Variants in ZNF526 observed in about 807,000 individuals in gnomAD.
The protein encoded by ZNF526 is zinc finger protein 526.
Under a neutral mutation model 32.4 loss-of-function variants are expected in ZNF526, and 16 were observed. The observed-to-expected ratio is 0.49, with a 90% CI of 0.33 to 0.75. ZNF526 has a LOEUF of 0.75. ZNF526 is among the 30% of genes least tolerant of loss of function. ZNF526 has a pLI of 0.02. For missense variants in ZNF526, 838 were observed against 920.7 expected (o/e 0.91, Z 1.16); for synonymous variants, 355 against 363.4 (o/e 0.98, Z 0.26).
At position 42,225,811 on chromosome 19, in the gene ZNF526, C is replaced by T. The variant is rs1414761893; in HGVS notation, c.1408C>T (p.Arg470Trp). ...GCGTGCAGTACACGGGCCCCCTGAA[C>T]GGCGTCACCGCTGTGGGGTTTGTGG... ...HRRAVHGPPE[R>W]RHRCGVCGKG... is the part of the protein sequence containing the mutation. The change falls in exon 3 of 3, where the codon CGG becomes TGG. Residue 470 changes from arginine (R) to tryptophan (W), a missense_variant. Coordinates refer to ENST00000301215, the MANE Select transcript of ZNF526 (RefSeq NM_133444.3). 5.6e-6 allele frequency: 9 copies of T among 1,613,788 alleles called. No homozygotes were observed. The highest frequency in any genetic ancestry group is 1.7e-5 in the Admixed American group (1 of 60,014).
At chr19:42,220,467 C>G (rs1357612640) in intron 1 of ZNF526, 80 bp downstream of exon 1, 1 of 152,442 alleles carries the variant, frequency 6.6e-6, no homozygotes, top group African/African-American at 2.4e-5. Context: ...AAGGGGTCTG[C>G]AGGGATCGAA....
At position 42,226,264 on chromosome 19, in the gene ZNF526, C is replaced by A. The variant is rs1477580210; in HGVS notation, c.1861C>A (p.Gln621Lys). The A allele has an allele frequency of 1.2e-6, 2 of 1,613,998 alleles. No homozygotes were observed. The highest frequency in any genetic ancestry group is 4.5e-5 in the East Asian group (2 of 44,878). The change falls in exon 3 of 3, where the codon CAG becomes AAG. Residue 621 changes from glutamine to lysine, a missense_variant. Coordinates refer to ENST00000301215, the MANE Select transcript of ZNF526 (RefSeq NM_133444.3). ...PAPPPPPEPQ[Q>K]TIMCTELGET... ...CCCACCCCCACCTCCAGAGCCTCAA[C>A]AGACTATCATGTGCACAGAGCTGGG...
chr19:42,223,371 G>T (rs1404245747), intron 1 of ZNF526, among the ~76,000 whole-genome samples: 3 of 152,228 alleles, frequency 2.0e-5, no homozygotes, highest in Admixed American at 6.5e-5. Flanking sequence ...GCCGGGCGTG[G>T]TGGCTCATGC....
Position 42,224,389 on chromosome 19 carries a change from A to C in ZNF526, c.-15A>C, listed in dbSNP as rs1273211620. 6 of 1,613,262 alleles carry C rather than the reference A, an allele frequency of 3.7e-6. No homozygotes were observed. In the African/African-American group the frequency reaches 6.7e-5, roughly 18 times the overall value. ...GGCTCCTGCCCCTCTTTCTCCAGGCACTGCCTTCCCCACAATGGCAGAGGT... is the reference window on the plus strand; with the variant it reads ...GGCTCCTGCCCCTCTTTCTCCAGGCCCTGCCTTCCCCACAATGGCAGAGGT... On this transcript the variant is annotated splice_region_variant and 5_prime_UTR_variant, in exon 3 of 3. Coordinates refer to ENST00000301215, the MANE Select transcript of ZNF526 (RefSeq NM_133444.3).
rs1488010409 is a variant in ZNF526, at chr19:42,227,225, T to C, written c.*809T>C. ...GACCTCCATGGTGGGAGATCAGGAG[T>C]TAAGGACTTCCTAGAGAAGGTAGTC... On this transcript the variant is annotated 3_prime_UTR_variant, in exon 3 of 3. Transcript: ENST00000301215. 1 of 167,130 alleles carries C rather than the reference T, an allele frequency of 6.0e-6. No individual in the cohort carries two copies. The highest frequency in any genetic ancestry group is 2.4e-5 in the African/African-American group (1 of 41,358). 10.4% of individuals were successfully genotyped at this position (167,130 alleles called of 1,614,324 possible). A position where few individuals can be genotyped will look rare whatever the true frequency, so the allele number is the denominator to read the frequency against.
At chr19:42,222,261 A>G (rs1359294364) in intron 1 of ZNF526, among the ~76,000 whole-genome samples, 1 of 151,054 alleles carries the variant, frequency 6.6e-6, no homozygotes, top group African/African-American at 2.4e-5. Context: ...TAATTTTTGT[A>G]TTTTTTTTAG....
At chr19:42,222,913 A>G (rs1368196357) in intron 1 of ZNF526, among the ~76,000 whole-genome samples, 3 of 151,900 alleles carry the variant, frequency 2.0e-5, no homozygotes, top group Non-Finnish European at 4.4e-5. Flanking sequence ...TCTAAAAACA[A>G]TCTTTCTGGA....
rs1175254901 is a variant in ZNF526, at chr19:42,226,381, G to A, written c.1978G>A (p.Gly660Ser). 1.2e-6 allele frequency: 2 copies of A among 1,614,136 alleles called. No individual in the cohort carries two copies. Among genetic ancestry groups the A allele is most frequent in the Non-Finnish European group, 1.7e-6 (2 of 1,180,056 alleles). The change falls in exon 3 of 3, where the codon GGC becomes AGC. Residue 660 changes from glycine to serine, a missense_variant. Transcript: ENST00000301215. ...CQAALGASEA[G>S]GLLQLDTAFV ...GGCTGCACTGGGGGCCAGTGAAGCA[G>A]GCGGGCTCTTGCAGTTGGACACGGC...
rs1461604721 is a variant in ZNF526 at position 42,220,313 on chromosome 19, G to C, written c.-183G>C. 1 of 152,380 alleles carries C rather than the reference G, an allele frequency of 6.6e-6. No homozygotes were observed. The highest frequency in any genetic ancestry group is 2.4e-5 in the African/African-American group (1 of 41,468). The allele number at this position is 152,380 out of a possible 1,614,324, so 9.4% of individuals were successfully genotyped here. A position where few individuals can be genotyped will look rare whatever the true frequency, so the allele number is the denominator to read the frequency against. On this transcript the variant is annotated 5_prime_UTR_variant, in exon 1 of 3. Coordinates refer to ENST00000301215, the MANE Select transcript of ZNF526 (RefSeq NM_133444.3). Reference sequence around the variant, plus strand: ...CACCGCCCAATGGGAGGTGTGGATAGTGAGGGGTCCCACACGCCTGGAGCC... The same window carrying C: ...CACCGCCCAATGGGAGGTGTGGATACTGAGGGGTCCCACACGCCTGGAGCC...
In ZNF526 at chr19:42,226,103, T is replaced by C; in HGVS notation, c.1700T>C (p.Leu567Pro). 1 of 1,606,100 alleles carries C rather than the reference T, an allele frequency of 6.2e-7. No individual in the cohort carries two copies. Among genetic ancestry groups the C allele is most frequent in the Non-Finnish European group, 8.5e-7 (1 of 1,179,992 alleles). The stretch of plus-strand genomic sequence containing the variant: ...GCCCCCCGCCTCCCCATCACTGGTC[T>C]CTACAACAAGAGTCCCTACTACTGC... ...ARAPRLPITG[L>P]YNKSPYYCGT... The change falls in exon 3 of 3, where the codon CTC becomes CCC. Residue 567 changes from leucine to proline, a missense_variant. Physicochemically the swap from Leu to Pro is moderately conservative, Grantham distance 98 (BLOSUM62 -3). Transcript: ENST00000301215.
In ZNF526 at chr19:42,226,060, C is replaced by T; in HGVS notation, c.1657C>T (p.Pro553Ser). The change falls in exon 3 of 3, where the codon CCA (proline) becomes TCA (serine). Residue 553 changes from proline (P) to serine (S), a missense_variant. Pro to Ser is a moderately conservative substitution (Grantham distance 74, BLOSUM62 -1). Coordinates refer to ENST00000301215, the MANE Select transcript of ZNF526 (RefSeq NM_133444.3). ...LQQHRRLHLR[P>S]VAFARAPRLP... ...GCAGCACCGGCGGTTGCACTTGCGGCCAGTCGCCTTTGCCCGCGCCCCCCG... is the reference window on the plus strand; with the variant it reads ...GCAGCACCGGCGGTTGCACTTGCGGTCAGTCGCCTTTGCCCGCGCCCCCCG... The T allele has an allele frequency of 5.0e-6, 8 of 1,609,894 alleles. No individual in the cohort carries two copies. Among genetic ancestry groups the T allele is most frequent in the Non-Finnish European group, 6.8e-6 (8 of 1,180,010 alleles).
intron 1 of ZNF526, among the ~76,000 whole-genome samples, chr19:42,223,840 AGGCCGGGCTGTT>A (rs1358973361): frequency 2.1e-5 from 3 of 139,862 alleles, no homozygotes; most frequent in South Asian, 2.4e-4. Context: ...AAAAAAAAAG[AGGCCGGGCTGTT>A]GGCCGGGGTG....
At position 42,227,904 on chromosome 19, in the gene ZNF526, A is replaced by G. The variant is rs1281257095; in HGVS notation, c.*1488A>G. ...GCAACAGCAAGACCTCATCTCTACA[A>G]AACTTAAAAGTTAGCCAGGCCTGGT... On this transcript the variant is annotated 3_prime_UTR_variant, in exon 3 of 3. Transcript: ENST00000301215. 6.6e-6 allele frequency: 1 copy of G among 152,164 alleles called. No homozygotes were observed. Among genetic ancestry groups the G allele is most frequent in the Admixed American group, 6.5e-5 (1 of 15,272 alleles). The allele number at this position is 152,164 out of a possible 1,614,324, so 9.4% of individuals were successfully genotyped here.
Position 42,225,853 on chromosome 19 carries a change from C to T in ZNF526, c.1450C>T (p.Leu484=), listed in dbSNP as rs763942271. ...CGVCGKGFKK[L]IHVRNHLRTH... is the part of the protein sequence containing the mutation. ...GGTTTGTGGCAAGGGCTTCAAGAAG[C>T]TGATCCACGTGCGCAACCACCTGCG... The change falls in exon 3 of 3, where the codon CTG becomes TTG. Residue 484 remains leucine (L), a synonymous_variant. Coordinates refer to ENST00000301215, the MANE Select transcript of ZNF526 (RefSeq NM_133444.3). 2 of 1,614,178 alleles carry T rather than the reference C, an allele frequency of 1.2e-6. No individual in the cohort carries two copies. Among genetic ancestry groups the T allele is most frequent in the Non-Finnish European group, 1.7e-6 (2 of 1,180,040 alleles).
At position 42,226,141 on chromosome 19, in the gene ZNF526, C is replaced by T. The variant is rs1438840180; in HGVS notation, c.1738C>T (p.Arg580Cys). 6 of 1,606,670 alleles carry T rather than the reference C, an allele frequency of 3.7e-6. No individual in the cohort carries two copies. In the Admixed American group the frequency reaches 5.0e-5, roughly 13 times the overall value. Residue 580 changes from arginine to cysteine, a missense_variant, in exon 3 of 3, where the codon CGC becomes TGC. Coordinates refer to ENST00000301215, the MANE Select transcript of ZNF526 (RefSeq NM_133444.3). ...TCCCTACTACTGCGGGACTTGTGGC[C>T]GCTGGTTCCGCGCCATGGCGGGCTT... The part of the protein sequence containing the change: ...KSPYYCGTCG[R>C]WFRAMAGLRL...
intron 1 of ZNF526, among the ~76,000 whole-genome samples, chr19:42,221,636 AAAAAGT>A (rs1335999048): frequency 6.6e-6 from 1 of 152,038 alleles, no homozygotes; most frequent in Non-Finnish European, 1.5e-5. Flanking sequence ...TCTGTCTCAA[AAAAAGT>A]AAAATAAAAT....
Position 42,226,349 on chromosome 19 carries a change from T to C in ZNF526, c.1946T>C (p.Leu649Pro). 1 of 1,614,218 alleles carries C rather than the reference T, an allele frequency of 6.2e-7. No individual in the cohort carries two copies. Among genetic ancestry groups the C allele is most frequent in the Non-Finnish European group, 8.5e-7 (1 of 1,180,024 alleles). Residue 649 changes from leucine (L) to proline (P), a missense_variant, in exon 3 of 3, where the codon CTG (leucine) becomes CCG (proline). By Grantham distance (98) the Leu-to-Pro change is moderately conservative. Coordinates refer to ENST00000301215, the MANE Select transcript of ZNF526 (RefSeq NM_133444.3). ...QPLALEDTLQLCQAALGASEA... is the reference protein window; with the variant it reads ...QPLALEDTLQPCQAALGASEA... ...CTGGCGCTTGAGGACACCCTGCAGC[T>C]GTGCCAGGCTGCACTGGGGGCCAGT...
At position 42,226,244 on chromosome 19, in the gene ZNF526, C is replaced by A; in HGVS notation, c.1841C>A (p.Pro614His). 6.2e-7 allele frequency: 1 copy of A among 1,613,542 alleles called. No homozygotes were observed. The highest frequency in any genetic ancestry group is 8.5e-7 in the Non-Finnish European group (1 of 1,180,042). Residue 614 changes from proline to histidine, a missense_variant, in exon 3 of 3, where the codon CCC (proline) becomes CAC (histidine). Coordinates refer to ENST00000301215, the MANE Select transcript of ZNF526 (RefSeq NM_133444.3). ...QPPRSPSPAP[P>H]PPPEPQQTIM... ...CCCAGATCACCATCTCCTGCCCCACCCCCACCTCCAGAGCCTCAACAGACT... is the reference window on the plus strand; with the variant it reads ...CCCAGATCACCATCTCCTGCCCCACACCCACCTCCAGAGCCTCAACAGACT...
Position 42,225,249 on chromosome 19 carries a change from G to A in ZNF526, c.846G>A (p.Gln282=), listed in dbSNP as rs1175756616. The change falls in exon 3 of 3, where the codon CAG becomes CAA. Residue 282 remains glutamine (Q), a synonymous_variant. Transcript: ENST00000301215. ...GCTGCGGGGACTGTCCCCAGCACCA[G>A]CCCTCAGCAGGGGCTCGCCGGCAAC... ...AQGCGDCPQH[Q]PSAGARRQHR... The A allele has an allele frequency of 6.2e-7, 1 of 1,614,016 alleles. No homozygotes were observed. The highest frequency in any genetic ancestry group is 2.2e-5 in the East Asian group (1 of 44,878).
Sources: gnomAD v4.1 joint callset for allele counts (sites outside exome capture counted in the v4.1 genomes callset) on GRCh38, gnomAD v4.1.1 for gene constraint, MANE v1.5 for transcripts, NCBI Gene and HGNC (gene_info 2026-07-23, HGNC 2026-07-21) for gene names.